UGT1A10: variants seen among roughly 807,000 people sequenced by gnomAD.
UGT1A10 encodes the protein UDP glucuronosyltransferase family 1 member A10.
Under a neutral mutation model 45.8 loss-of-function variants are expected in UGT1A10, and 49 were observed. That is an observed-to-expected ratio of 1.07 (90% CI 0.85 to 1.36). UGT1A10 has a LOEUF of 1.36. UGT1A10 is among the 40% of genes most tolerant of loss of function. The pLI is 0.00. For missense variants in UGT1A10, 745 were observed against 668.6 expected (o/e 1.11, Z -1.26); for synonymous variants, 284 against 249.7 (o/e 1.14, Z -1.29).
At chr2:233,772,217 A>G (rs759524121) in intron 4 of UGT1A10, 45 bp from the exon 5 acceptor site, 1 of 1,612,380 alleles carries the variant, frequency 6.2e-7, no homozygotes, top group South Asian at 1.1e-5. Flanking sequence ...AGGATTGTTC[A>G]TACCACAGGT....
At chr2:233,764,417 G>A (rs986717948) in intron 1 of UGT1A10, among the ~76,000 whole-genome samples, 1 of 152,168 alleles carries the variant, frequency 6.6e-6, no homozygotes, top group African/African-American at 2.4e-5. Context: ...TTTGCCCTGC[G>A]TGAATCTCCA....
intron 1 of UGT1A10, among the ~76,000 whole-genome samples, chr2:233,703,207 A>G (rs552243315): frequency 1.3e-5 from 2 of 152,128 alleles, no homozygotes; most frequent in South Asian, 4.1e-4. Context: ...TGTCAATTTT[A>G]TCTAAGTTAT....
intron 1 of UGT1A10, among the ~76,000 whole-genome samples, chr2:233,664,514 C>T (rs2074036071): frequency 6.6e-6 from 1 of 152,202 alleles, no homozygotes. Flanking sequence ...AAGCATGGCG[C>T]TGCCATCTGT....
intron 1 of UGT1A10, among the ~76,000 whole-genome samples, chr2:233,668,066 T>TA (rs1003185769): frequency 3.3e-5 from 5 of 151,808 alleles, no homozygotes; most frequent in African/African-American, 1.2e-4. Flanking sequence ...CACATTTTTT[T>TA]TTATTATACT....
chr2:233,704,647 T>A (rs1262134477), intron 1 of UGT1A10, among the ~76,000 whole-genome samples: 1 of 152,158 alleles, frequency 6.6e-6, no homozygotes, highest in African/African-American at 2.4e-5. Context: ...TTGCTTATCA[T>A]TTTTGGTTCT....
intron 1 of UGT1A10, among the ~76,000 whole-genome samples, chr2:233,655,974 A>C (rs1431786372): frequency 6.6e-6 from 1 of 152,146 alleles, no homozygotes; most frequent in Non-Finnish European, 1.5e-5. Flanking sequence ...TTCTTGGAAA[A>C]GGTTACAACC....
chr2:233,695,791 A>G (rs532521101), intron 1 of UGT1A10, among the ~76,000 whole-genome samples: 1 of 152,262 alleles, frequency 6.6e-6, no homozygotes, highest in African/African-American at 2.4e-5. Flanking sequence ...CATTCTGTAT[A>G]TGTACTATCT....
At chr2:233,654,994 C>T (rs2073824772) in intron 1 of UGT1A10, among the ~76,000 whole-genome samples, 1 of 152,026 alleles carries the variant, frequency 6.6e-6, no homozygotes, top group South Asian at 2.1e-4. Flanking sequence ...GAGTCTGAGG[C>T]AGAAGAATCA....
chr2:233,654,268 G>T (rs1269988133), intron 1 of UGT1A10, among the ~76,000 whole-genome samples: 2 of 152,198 alleles, frequency 1.3e-5, no homozygotes, highest in Non-Finnish European at 2.9e-5. Context: ...CTGTTAGAGA[G>T]TTTAGATTTC....
intron 1 of UGT1A10, among the ~76,000 whole-genome samples, chr2:233,753,945 C>T (rs1389059765): frequency 1.3e-5 from 2 of 152,168 alleles, no homozygotes; most frequent in Non-Finnish European, 2.9e-5. Context: ...AAATGTATGA[C>T]CTCCAAAATA....
At position 233,719,049 on chromosome 2, in the gene UGT1A10, C is replaced by G. The variant is rs544702876; in HGVS notation, c.856-47985C>G. 2.5e-6 allele frequency: 4 copies of G among 1,614,286 alleles called. No individual in the cohort carries two copies. The East Asian group carries it at 6.7e-5, about 27-fold the overall frequency. ...CATCAAAGAAGAGAAATTTTTCACCCTGACAGCCTATGCTGTTCCATGGAC... is the reference window on the plus strand; with the variant it reads ...CATCAAAGAAGAGAAATTTTTCACCGTGACAGCCTATGCTGTTCCATGGAC... On this transcript the variant is annotated intron_variant, in intron 1 of 4. Transcript: ENST00000344644.
chr2:233,767,127 A>G lies in UGT1A10; in HGVS notation c.949A>G (p.Met317Val), dbSNP rs749159613. 5.0e-6 allele frequency: 8 copies of G among 1,614,028 alleles called. No homozygotes were observed. Among genetic ancestry groups the G allele is most frequent in the South Asian group, 2.2e-5 (2 of 91,084 alleles). The change falls in exon 2 of 5, where the codon ATG (methionine) becomes GTG (valine). Residue 317 changes from methionine (M) to valine (V), a missense_variant. Met to Val is a conservative substitution (Grantham distance 21). Coordinates refer to ENST00000344644, the MANE Select transcript of UGT1A10 (RefSeq NM_019075.4). Reference sequence around the variant, plus strand: ...CTCAGAAATTCCAGAGAAGAAAGCTATGGCAATTGCTGATGCTTTGGGCAA... The same window carrying G: ...CTCAGAAATTCCAGAGAAGAAAGCTGTGGCAATTGCTGATGCTTTGGGCAA... The part of the protein sequence containing the change: ...MVSEIPEKKA[M>V]AIADALGKIP...
At chr2:233,760,974 G>C in intron 1 of UGT1A10, 1 of 1,614,120 alleles carries the variant, frequency 6.2e-7, no homozygotes, top group Non-Finnish European at 8.5e-7. Flanking sequence ...TTTATTCCCC[G>C]TATGCAACCC....
intron 1 of UGT1A10, chr2:233,647,829 C>T (rs1161138855): frequency 1.2e-5 from 12 of 1,001,956 alleles, no homozygotes; most frequent in South Asian, 9.2e-5. Flanking sequence ...GCCCCAAAAG[C>T]TAGCTTTGGT....
At chr2:233,767,557 A>T (rs1326984430) in intron 2 of UGT1A10, among the ~76,000 whole-genome samples, 2 of 152,218 alleles carry the variant, frequency 1.3e-5, no homozygotes, top group African/African-American at 4.8e-5. Flanking sequence ...TTCTGCATCC[A>T]CTTGTTTCAT....
At chr2:233,740,578 C>A (rs1384729734) in intron 1 of UGT1A10, 2 of 151,730 alleles carry the variant, frequency 1.3e-5, no homozygotes, top group Non-Finnish European at 2.9e-5. Flanking sequence ...TTTTTTGGGA[C>A]CCTAATGAAA....
At chr2:233,691,640 G>T (rs2075050840) in intron 1 of UGT1A10, 1 of 985,538 alleles carries the variant, frequency 1.0e-6, no homozygotes, top group Non-Finnish European at 1.2e-6. Flanking sequence ...TAGCAGGCAG[G>T]GCCAGTGTGA....
In UGT1A10 at chr2:233,659,709, TCTTTC is replaced by T. The variant is rs770628164; in HGVS notation, c.855+22333_855+22337del. 5.2e-3 allele frequency among the ~76,000 whole-genome samples: 793 copies of T among 152,346 alleles called. 4 individuals are homozygous for T. The highest frequency in any genetic ancestry group is 8.6e-3 in the Non-Finnish European group (586 of 68,036). ...CATAATTACTGTCTGACATTTTTGC[TCTTTC>T]AGTTCTTTAAAAATGCTTGATATAG... On this transcript the variant is annotated intron_variant, in intron 1 of 4. Coordinates refer to ENST00000344644, the MANE Select transcript of UGT1A10 (RefSeq NM_019075.4).
In UGT1A10 at chr2:233,772,555, A is replaced by C. The variant is rs1350310639; in HGVS notation, c.1589A>C (p.His530Pro). 3 of 1,613,990 alleles carry C rather than the reference A, an allele frequency of 1.9e-6. No homozygotes were observed. Among genetic ancestry groups the C allele is most frequent in the East Asian group, 4.5e-5 (2 of 44,878 alleles). Residue 530 changes from histidine (H) to proline (P), a missense_variant, in exon 5 of 5, where the codon CAT becomes CCT. By Grantham distance (77) the His-to-Pro change is moderately conservative (BLOSUM62 -2). Coordinates refer to ENST00000344644, the MANE Select transcript of UGT1A10 (RefSeq NM_019075.4). ...AAGAAAGCCCACAAATCCAAGACCCATTGAGAAGTGGGTGGGAAATAAGGT... is the reference window on the plus strand; with the variant it reads ...AAGAAAGCCCACAAATCCAAGACCCCTTGAGAAGTGGGTGGGAAATAAGGT... Reference protein sequence around the residue: ...RVKKAHKSKTH With the variant: ...RVKKAHKSKTP
Sources: allele counts gnomAD v4.1 joint callset (sites outside exome capture counted in the v4.1 genomes callset), GRCh38; gene constraint gnomAD v4.1.1; transcripts MANE v1.5; gene names NCBI Gene and HGNC (gene_info 2026-07-23, HGNC 2026-07-21).